ARHGAP17: variants seen among roughly 807,000 people sequenced by gnomAD.
The protein encoded by ARHGAP17 is Rho GTPase activating protein 17.
ARHGAP17 carries 57 observed loss-of-function variants against 99.5 expected under a neutral mutation model. The observed-to-expected ratio is 0.57, with a 90% CI of 0.46 to 0.71. The LOEUF (loss-of-function observed/expected upper bound fraction) is 0.71, where lower values mean the gene tolerates loss of function less well. Ranked by LOEUF, ARHGAP17 falls within the 30% of genes least tolerant of loss-of-function variation. The probability of loss-of-function intolerance (pLI) is 0.00; values close to 1 mark genes in which losing one functional copy is unlikely to be tolerated. For missense variants in ARHGAP17, 1,000 were observed against 1,122.4 expected (o/e 0.89, Z 1.56); for synonymous variants, 417 against 429.6 (o/e 0.97, Z 0.36).
chr16:24,964,535 T>C (rs2052114465), intron 6 of ARHGAP17, among the ~76,000 whole-genome samples: 1 of 152,204 alleles, frequency 6.6e-6, no homozygotes, highest in African/African-American at 2.4e-5. Flanking sequence ...CTAGGAGTAG[T>C]GGTCTGCTTT....
At position 24,939,569 on chromosome 16, in the gene ARHGAP17, C is replaced by A; in HGVS notation, c.1519G>T (p.Ala507Ser). The part of the protein sequence containing the change: ...SFGVKLMDFQ[A>S]HRRGGTLNRK... ...TTTAGAGTGCCACCCCGCCGGTGGG[C>A]CTGGAAGTCCATAAGCTTCACACCA... Residue 507 changes from alanine (A) to serine (S), a missense_variant, in exon 17 of 20, where the codon GCC becomes TCC. Ala to Ser is a moderately conservative substitution (Grantham distance 99). Coordinates refer to ENST00000289968, the MANE Select transcript of ARHGAP17 (RefSeq NM_001006634.3). 2 of 1,607,272 alleles carry A rather than the reference C, an allele frequency of 1.2e-6. No homozygotes were observed. The highest frequency in any genetic ancestry group is 1.1e-5 in the South Asian group (1 of 89,362).
intron 1 of ARHGAP17, among the ~76,000 whole-genome samples, chr16:25,011,746 G>A (rs943588242): frequency 3.3e-5 from 5 of 151,544 alleles, no homozygotes; most frequent in Non-Finnish European, 5.9e-5. Context: ...CAAATCTGCA[G>A]CCACACTACT....
chr16:24,942,223 C>T (rs16974228), intron 15 of ARHGAP17, 80 bp from the exon 16 acceptor site: 16,892 of 1,417,280 alleles, frequency 0.012, 487 homozygotes, highest in African/African-American at 0.11. Flanking sequence ...CTCATTGGAA[C>T]GGGAACCTCG....
chr16:24,994,727 G>A (rs2053145374), intron 1 of ARHGAP17, among the ~76,000 whole-genome samples: 2 of 152,136 alleles, frequency 1.3e-5, no homozygotes, highest in South Asian at 4.1e-4. Flanking sequence ...GAACTTAAGC[G>A]ATTGCCCAGG....
intron 1 of ARHGAP17, among the ~76,000 whole-genome samples, chr16:25,014,376 A>G (rs1261795190): frequency 6.6e-6 from 1 of 152,204 alleles, no homozygotes; most frequent in East Asian, 1.9e-4. Context: ...AACTCTCAAA[A>G]ACCACAAATC....
At chr16:24,992,220 G>C (rs2053065692) in intron 1 of ARHGAP17, among the ~76,000 whole-genome samples, 1 of 152,220 alleles carries the variant, frequency 6.6e-6, no homozygotes, top group Non-Finnish European at 1.5e-5. Flanking sequence ...AAGTAGAATA[G>C]CAGGATGGAA....
At chr16:25,003,830 A>C (rs1426791788) in intron 1 of ARHGAP17, among the ~76,000 whole-genome samples, 10 of 152,144 alleles carry the variant, frequency 6.6e-5, no homozygotes, top group Non-Finnish European at 1.2e-4. Context: ...CTCAAAAAAA[A>C]AAAAAGCTTT....
At chr16:25,009,785 T>C (rs2053597316) in intron 1 of ARHGAP17, among the ~76,000 whole-genome samples, 1 of 152,220 alleles carries the variant, frequency 6.6e-6, no homozygotes, top group African/African-American at 2.4e-5. Context: ...ATGACCTCTT[T>C]GATCTCTGGC....
chr16:24,993,622 T>C (rs980699198), intron 1 of ARHGAP17, among the ~76,000 whole-genome samples: 2 of 149,450 alleles, frequency 1.3e-5, no homozygotes, highest in Non-Finnish European at 3.0e-5. Flanking sequence ...GGCAAAAACA[T>C]GTACCCATAC....
At chr16:24,988,831 C>T (rs1449230950) in intron 1 of ARHGAP17, among the ~76,000 whole-genome samples, 1 of 152,166 alleles carries the variant, frequency 6.6e-6, no homozygotes, top group Non-Finnish European at 1.5e-5. Flanking sequence ...CTCCCTTCTG[C>T]CACCAACCAC....
intron 18 of ARHGAP17, among the ~76,000 whole-genome samples, chr16:24,932,010 A>G (rs2051006364): frequency 6.6e-6 from 1 of 151,890 alleles, no homozygotes. Flanking sequence ...CCAGCTACTC[A>G]TGAGGCTGAG....
intron 1 of ARHGAP17, among the ~76,000 whole-genome samples, chr16:24,988,988 A>T (rs2052954359): frequency 6.6e-6 from 1 of 152,228 alleles, no homozygotes; most frequent in Non-Finnish European, 1.5e-5. Context: ...ATTTTGCAAA[A>T]TATTGCAATG....
chr16:24,966,113 CTTGT>C (rs1391230534), intron 6 of ARHGAP17, among the ~76,000 whole-genome samples: 1 of 152,216 alleles, frequency 6.6e-6, no homozygotes, highest in Non-Finnish European at 1.5e-5. Flanking sequence ...CATTTGCTGC[CTTGT>C]TTAATTAATC....
Position 24,990,771 on chromosome 16 carries a change from C to CTTT in ARHGAP17, c.54-11769_54-11767dup, listed in dbSNP as rs11371621. On this transcript the variant is annotated intron_variant, in intron 1 of 19. Transcript: ENST00000289968. ...TAGAACCTCTGGAGGTGGGGCTTGG[C>CTTT]TTTTTTTTTTTTTTTTTAGCTCCCC... Among the ~76,000 whole-genome samples, 231 of 135,262 alleles carry CTTT rather than the reference C, an allele frequency of 1.7e-3. 1 individual carries two copies. Among genetic ancestry groups the CTTT allele is most frequent in the African/African-American group, 5.6e-3 (202 of 36,346 alleles). 88.7% of individuals were successfully genotyped at this position (135,262 alleles called of 152,430 possible).
intron 1 of ARHGAP17, among the ~76,000 whole-genome samples, chr16:25,008,479 C>T (rs2053562501): frequency 1.3e-5 from 2 of 152,204 alleles, no homozygotes; most frequent in South Asian, 2.1e-4. Flanking sequence ...CTTTTAATCC[C>T]TACCTTTAAG....
chr16:25,012,455 G>T (rs1318765910), intron 1 of ARHGAP17, among the ~76,000 whole-genome samples: 1 of 152,042 alleles, frequency 6.6e-6, no homozygotes, highest in African/African-American at 2.4e-5. Flanking sequence ...AAACACGATG[G>T]GCATGACATT....
rs368716312 is a variant in ARHGAP17 at position 24,920,186 on chromosome 16, C to T, written c.2590G>A (p.Val864Met). ...ATATCCAGCAGGATGCGGCCAGGCA[C>T]GTCTTTGCTGGCTGAGTCTGAGTGC... ...EMHSDSASKD[V>M]PGRILLDIDN... is the part of the protein sequence containing the mutation. The change falls in exon 20 of 20, where the codon GTG (valine) becomes ATG (methionine). Residue 864 changes from valine (V) to methionine (M), a missense_variant. Physicochemically the swap from Val to Met is conservative, Grantham distance 21 (BLOSUM62 1). Coordinates refer to ENST00000289968, the MANE Select transcript of ARHGAP17 (RefSeq NM_001006634.3). The T allele has an allele frequency of 1.1e-5, 18 of 1,614,066 alleles. No homozygotes were observed. The highest frequency in any genetic ancestry group is 1.1e-5 in the South Asian group (1 of 91,082).
chr16:24,939,641 T>C, intron 16 of ARHGAP17, 44 bp from the exon 17 acceptor site: 1 of 1,536,956 alleles, frequency 6.5e-7, no homozygotes, highest in Non-Finnish European at 8.9e-7. Context: ...GCGAGCAGAC[T>C]ACTGAGACAG....
At position 24,955,285 on chromosome 16, in the gene ARHGAP17, A is replaced by G. The variant is rs2051775357; in HGVS notation, c.725-555T>C. ...CCATCAGATGCGACATCTCCGCGGCATGCAGTGCTTCAGAACACCGCATCC... is the reference window on the plus strand; with the variant it reads ...CCATCAGATGCGACATCTCCGCGGCGTGCAGTGCTTCAGAACACCGCATCC... On this transcript the variant is annotated intron_variant, in intron 9 of 19. Transcript: ENST00000289968. The surrounding 1 kb of genome is among the most constrained non-coding windows in gnomAD (Gnocchi z 4.0). 1 of 152,264 alleles carries G rather than the reference A, an allele frequency of 6.6e-6. No homozygotes were observed. The highest frequency in any genetic ancestry group is 6.5e-5 in the Admixed American group (1 of 15,280). The allele number at this position is 152,264 out of a possible 1,614,324, so 9.4% of individuals were successfully genotyped here.
Sources: gnomAD v4.1 joint callset for allele counts (sites outside exome capture counted in the v4.1 genomes callset) on GRCh38, gnomAD v4.1.1 for gene constraint, Gnocchi (gnomAD v3.1) non-coding constraint, MANE v1.5 for transcripts, NCBI Gene and HGNC (gene_info 2026-07-23, HGNC 2026-07-21) for gene names.